The following GABRB1 variants were observed in gnomAD, a reference collection of about 807,000 sequenced individuals.
The protein encoded by GABRB1 is gamma-aminobutyric acid type A receptor subunit beta1, also known as gamma-aminobutyric acid receptor subunit beta-1.
In GABRB1, 17 loss-of-function variants were observed where a neutral mutation model predicts 51.6. That is an observed-to-expected ratio of 0.33 (90% CI 0.23 to 0.49). The LOEUF (loss-of-function observed/expected upper bound fraction) is 0.49, where lower values mean the gene tolerates loss of function less well. Ranked by LOEUF, GABRB1 falls within the 20% of genes least tolerant of loss-of-function variation. The pLI is 0.99. For synonymous variants in GABRB1, 247 were observed against 218.9 expected, an observed-to-expected ratio of 1.13 and a Z score of -1.14; for missense variants, 410 against 600.6, an observed-to-expected ratio of 0.68 and a Z score of 3.32.
At chr4:47,398,685 C>T (rs1728269946) in intron 5 of GABRB1, among the ~76,000 whole-genome samples, 1 of 152,210 alleles carries the variant, frequency 6.6e-6, no homozygotes, top group Admixed American at 6.5e-5. Flanking sequence ...CCCAGGTTCA[C>T]GCCATTCTCC....
chr4:47,013,636 T>C (rs1724650344), intron 1 of GABRB1, among the ~76,000 whole-genome samples: 1 of 152,254 alleles, frequency 6.6e-6, no homozygotes, highest in Non-Finnish European at 1.5e-5. Context: ...TTTGGATTTA[T>C]CTTCTTTGAA....
intron 3 of GABRB1, among the ~76,000 whole-genome samples, chr4:47,132,148 C>A (rs940409395): frequency 5.9e-5 from 9 of 152,156 alleles, no homozygotes; most frequent in African/African-American, 2.2e-4. Flanking sequence ...GCTCATTTCA[C>A]TAGAAAGCGT....
intron 1 of GABRB1, among the ~76,000 whole-genome samples, chr4:47,002,252 C>CA (rs1310010884): frequency 1.3e-5 from 2 of 152,164 alleles, no homozygotes; most frequent in African/African-American, 4.8e-5. Flanking sequence ...AAAATATCAA[C>CA]ATTTACTTTA....
Position 47,156,032 on chromosome 4 carries a change from A to C in GABRB1, c.241-5217A>C, listed in dbSNP as rs370913428. 4.2e-4 allele frequency among the ~76,000 whole-genome samples: 62 copies of C among 148,946 alleles called. 1 individual carries two copies. The highest frequency in any genetic ancestry group is 1.5e-3 in the African/African-American group (62 of 40,838). ...TATTATGGATTAATGCTACAATAAA[A>C]ATGGGAGTGCAGATATCTCATTGAT... is the stretch of plus-strand genomic sequence containing the variant. On this transcript the variant is annotated intron_variant, in intron 3 of 8. Coordinates refer to ENST00000295454, the MANE Select transcript of GABRB1 (RefSeq NM_000812.4).
intron 8 of GABRB1, among the ~76,000 whole-genome samples, chr4:47,409,079 T>C (rs935063434): frequency 5.9e-5 from 9 of 152,094 alleles, no homozygotes; most frequent in East Asian, 3.9e-4. Flanking sequence ...TCAAACCTTA[T>C]GGGAGGGGGA....
chr4:47,307,686 G>C (rs1371635414), intron 4 of GABRB1, among the ~76,000 whole-genome samples: 1 of 151,798 alleles, frequency 6.6e-6, no homozygotes, highest in Non-Finnish European at 1.5e-5. Flanking sequence ...AATCTATACT[G>C]CGATACTTTT....
At chr4:47,319,339 G>A (rs896464219) in intron 4 of GABRB1, among the ~76,000 whole-genome samples, 1 of 152,032 alleles carries the variant, frequency 6.6e-6, no homozygotes, top group Non-Finnish European at 1.5e-5. Flanking sequence ...CTCTCTGGGA[G>A]TTCAGTACCA....
intron 5 of GABRB1, among the ~76,000 whole-genome samples, chr4:47,360,117 C>CT (rs1335208441): frequency 5.9e-5 from 8 of 135,960 alleles, no homozygotes; most frequent in Non-Finnish European, 1.2e-4. Flanking sequence ...TGCAGGAAAG[C>CT]TTTAAAAAAA....
intron 3 of GABRB1, among the ~76,000 whole-genome samples, chr4:47,133,987 A>C (rs2109678666): frequency 6.6e-6 from 1 of 152,340 alleles, no homozygotes; most frequent in South Asian, 2.1e-4. Context: ...AGTTTGGGAA[A>C]ATACTAATCT....
chr4:47,263,198 A>ATAAG (rs1489625142), intron 4 of GABRB1, among the ~76,000 whole-genome samples: 1 of 98,774 alleles, frequency 1.0e-5, no homozygotes, highest in Non-Finnish European at 2.3e-5. Flanking sequence ...TATAATAATA[A>ATAAG]TAAATAAATA....
intron 4 of GABRB1, among the ~76,000 whole-genome samples, chr4:47,199,793 A>T (rs764944647): frequency 3.3e-5 from 5 of 152,126 alleles, no homozygotes; most frequent in Non-Finnish European, 7.4e-5. Flanking sequence ...GAAATGTTCA[A>T]TGTTGGAAGA....
intron 5 of GABRB1, among the ~76,000 whole-genome samples, chr4:47,369,562 T>C (rs1050947990): frequency 2.0e-5 from 3 of 152,148 alleles, no homozygotes; most frequent in Non-Finnish European, 4.4e-5. Context: ...AACGGGCAAA[T>C]CTATCCATAT....
At chr4:47,203,163 C>A (rs150464662) in intron 4 of GABRB1, among the ~76,000 whole-genome samples, 1 of 152,312 alleles carries the variant, frequency 6.6e-6, no homozygotes, top group Non-Finnish European at 1.5e-5. Context: ...AAGTCAGCCA[C>A]TTTGCTTGGG....
chr4:47,122,104 G>T (rs1715803944), intron 3 of GABRB1, among the ~76,000 whole-genome samples: 1 of 152,100 alleles, frequency 6.6e-6, no homozygotes, highest in South Asian at 2.1e-4. Context: ...GGAAAGTCCT[G>T]TCAGTACTTA....
At chr4:47,338,635 T>A (rs1051778496) in intron 5 of GABRB1, among the ~76,000 whole-genome samples, 9 of 152,252 alleles carry the variant, frequency 5.9e-5, no homozygotes, top group African/African-American at 1.9e-4. Context: ...GCTACTAGTT[T>A]CAGCTTATCC....
At chr4:47,336,209 C>T (rs926554090) in intron 5 of GABRB1, among the ~76,000 whole-genome samples, 1 of 152,098 alleles carries the variant, frequency 6.6e-6, no homozygotes, top group African/African-American at 2.4e-5. Flanking sequence ...GAGATTCTAT[C>T]TGGAAATATA....
At chr4:47,026,747 C>G (rs1164406088), upstream of GABRB1, among the ~76,000 whole-genome samples, 2 of 152,000 alleles carry the variant, frequency 1.3e-5, no homozygotes, top group Non-Finnish European at 2.9e-5. Flanking sequence ...ATATAAATCA[C>G]TAATAACATA....
chr4:47,140,374 G>T (rs567913919), intron 3 of GABRB1, among the ~76,000 whole-genome samples: 2 of 152,010 alleles, frequency 1.3e-5, no homozygotes, highest in African/African-American at 4.8e-5. Context: ...TGATGACTTT[G>T]CATGGTACAG....
chr4:47,351,708 T>C (rs11943104), intron 5 of GABRB1, among the ~76,000 whole-genome samples: 48,236 of 150,540 alleles, frequency 0.32, 8,021 homozygotes, highest in Non-Finnish European at 0.37. Context: ...TGATTTCCAA[T>C]TTCATCCATG....
Sources: allele counts gnomAD v4.1 joint callset (sites outside exome capture counted in the v4.1 genomes callset), GRCh38; gene constraint gnomAD v4.1.1; transcripts MANE v1.5; gene names NCBI Gene and HGNC (gene_info 2026-07-23, HGNC 2026-07-21).